Variants in WNT7B observed in about 807,000 individuals in gnomAD.
WNT7B encodes protein Wnt-7b.
Under a neutral mutation model 38.2 loss-of-function variants are expected in WNT7B, and 19 were observed. The ratio of observed to expected loss-of-function variants is 0.50; its 90% CI spans 0.35 to 0.73. WNT7B has a LOEUF of 0.73. Ranked by LOEUF, WNT7B falls within the 30% of genes least tolerant of loss-of-function variation. WNT7B has a pLI of 0.01. For synonymous variants in WNT7B, 243 were observed against 209.3 expected (o/e 1.16, Z -1.39); for missense variants, 423 against 507.9 (o/e 0.83, Z 1.61).
chr22:45,974,765 G>A (rs147005838), intron 1 of WNT7B, among the ~76,000 whole-genome samples: 300 of 152,184 alleles, frequency 2.0e-3, no homozygotes, highest in Non-Finnish European at 3.6e-3. Context: ...TGGGCTACAC[G>A]GAGGCCCGGT....
chr22:45,970,503 C>T (rs927430445), intron 1 of WNT7B, among the ~76,000 whole-genome samples: 42 of 152,208 alleles, frequency 2.8e-4, no homozygotes, highest in African/African-American at 9.6e-4. Context: ...GGGGCCCCTG[C>T]GCACCTCCCT....
At position 45,944,398 on chromosome 22, in the gene WNT7B, C is replaced by A. The variant is rs529263238; in HGVS notation, c.298+5522G>T. Among the ~76,000 whole-genome samples, 8 of 152,334 alleles carry A rather than the reference C, an allele frequency of 5.3e-5. No individual in the cohort carries two copies. The South Asian group carries it at 1.7e-3, about 32-fold the overall frequency. On this transcript the variant is annotated intron_variant, in intron 2 of 3. Transcript: ENST00000339464. ...CTCCGTCCTCCCAGGAGCCTGTGAG[C>A]TGCCTTCCCGGGGAGGGGCAGCCCC... is the stretch of plus-strand genomic sequence containing the variant.
chr22:45,929,360 C>G (rs1278121117), intron 3 of WNT7B, among the ~76,000 whole-genome samples: 7 of 151,480 alleles, frequency 4.6e-5, no homozygotes, highest in Non-Finnish European at 7.4e-5. Context: ...CTTTATCCAT[C>G]CATCTATTCA....
In WNT7B at chr22:45,922,846, G is replaced by C; in HGVS notation, c.*10C>G. On this transcript the variant is annotated 3_prime_UTR_variant, in exon 4 of 4. Coordinates refer to ENST00000339464, the MANE Select transcript of WNT7B (RefSeq NM_058238.3). ...TTCCAGGGTGCCCGCGGCCGCCTCC[G>C]GGCCTGGCCTCACTTGCAGGTGAAG... 1.9e-6 allele frequency: 3 copies of C among 1,586,530 alleles called. No individual in the cohort carries two copies. Among genetic ancestry groups the C allele is most frequent in the African/African-American group, 1.3e-5 (1 of 74,544 alleles).
At position 45,951,991 on chromosome 22, in the gene WNT7B, T is replaced by C. The variant is rs950676394; in HGVS notation, c.72-1845A>G. 6.6e-6 allele frequency among the ~76,000 whole-genome samples: 1 copy of C among 152,098 alleles called. No individual in the cohort carries two copies. The highest frequency in any genetic ancestry group is 1.5e-5 in the Non-Finnish European group (1 of 68,006). Reference sequence around the variant, plus strand: ...CCAGTCATCTGGCTTTAAGCACCCATGGAAGGGGCAGTGAGCTGGAAGGAG... The same window carrying C: ...CCAGTCATCTGGCTTTAAGCACCCACGGAAGGGGCAGTGAGCTGGAAGGAG... On this transcript the variant is annotated intron_variant, in intron 1 of 3. Transcript: ENST00000339464. The surrounding 1 kb of genome is among the most constrained non-coding windows in gnomAD (Gnocchi z 4.8).
intron 3 of WNT7B, among the ~76,000 whole-genome samples, chr22:45,923,825 G>A (rs1317076191): frequency 6.6e-6 from 1 of 152,184 alleles, no homozygotes; most frequent in African/African-American, 2.4e-5. Context: ...TGCAGTTGGT[G>A]TTTAATGGAA....
intron 2 of WNT7B, among the ~76,000 whole-genome samples, chr22:45,931,976 C>G (rs1247243314): frequency 6.6e-6 from 1 of 152,300 alleles, no homozygotes; most frequent in East Asian, 1.9e-4. Flanking sequence ...TTGGTCCACC[C>G]GCCTTCAGTC....
chr22:45,925,506 T>C (rs1931055317), intron 3 of WNT7B: 2 of 985,244 alleles, frequency 2.0e-6, no homozygotes, highest in Middle Eastern at 5.2e-4. Flanking sequence ...GCCAAGGTCA[T>C]GGGCCAGAGC....
At position 45,975,012 on chromosome 22, in the gene WNT7B, C is replaced by CGG. The variant is rs1932522869; in HGVS notation, c.71+1671_71+1672insCC. Among the ~76,000 whole-genome samples, 2 of 152,258 alleles carry CGG rather than the reference C, an allele frequency of 1.3e-5. No homozygotes were observed. The highest frequency in any genetic ancestry group is 1.3e-4 in the Admixed American group (2 of 15,300). The stretch of plus-strand genomic sequence containing the variant: ...CACTCGTGGGAGGAAGGGCTGCTTT[C>CGG]CGATGACTGAGGCAGAAGAATGGAC... On this transcript the variant is annotated intron_variant, in intron 1 of 3. Transcript: ENST00000339464. This position sits in a 1 kb window ranked among gnomAD's most constrained non-coding sequence, Gnocchi z 6.6.
At position 45,975,899 on chromosome 22, in the gene WNT7B, G is replaced by A. The variant is rs1271387869; in HGVS notation, c.71+785C>T. The stretch of plus-strand genomic sequence containing the variant: ...AAGCCGAGACAGATTCTGTCTAAAG[G>A]AGATCGCGGCTCAACAGGTAAGGAC... On this transcript the variant is annotated intron_variant, in intron 1 of 3. Transcript: ENST00000339464. This position sits in a 1 kb window ranked among gnomAD's most constrained non-coding sequence, Gnocchi z 6.6. The A allele has an allele frequency of 4.1e-5, 8 of 197,394 alleles. No homozygotes were observed. In the East Asian group the frequency reaches 8.3e-4, roughly 20 times the overall value. The allele number at this position is 197,394 out of a possible 1,614,324, so 12.2% of individuals were successfully genotyped here. A position where few individuals can be genotyped will look rare whatever the true frequency, so the allele number is the denominator to read the frequency against.
chr22:45,956,656 G>A (rs550436242), intron 1 of WNT7B, among the ~76,000 whole-genome samples: 8 of 152,308 alleles, frequency 5.3e-5, no homozygotes, highest in South Asian at 2.1e-4. Flanking sequence ...CAATCCAGGC[G>A]TCTGTCAACA....
intron 2 of WNT7B, among the ~76,000 whole-genome samples, chr22:45,934,802 A>G (rs1931470816): frequency 6.6e-6 from 1 of 152,184 alleles, no homozygotes; most frequent in Admixed American, 6.5e-5. Flanking sequence ...TTTGCTTTTA[A>G]TGAGCCAAAC....
chr22:45,922,655 T>G lies in WNT7B; in HGVS notation c.*201A>C, dbSNP rs985352483. The G allele has an allele frequency of 1.0e-5, 8 of 803,606 alleles. No homozygotes were observed. In the African/African-American group the frequency reaches 1.0e-4, roughly 10 times the overall value. 49.8% of individuals were successfully genotyped at this position (803,606 alleles called of 1,614,324 possible). A position where few individuals can be genotyped will look rare whatever the true frequency, so the allele number is the denominator to read the frequency against. On this transcript the variant is annotated 3_prime_UTR_variant, in exon 4 of 4. Coordinates refer to ENST00000339464, the MANE Select transcript of WNT7B (RefSeq NM_058238.3). ...GGTGCTGTTCTGCCGCAGGAGGTGA[T>G]GGGAGGAGGTGGCAGGAAGGAGCCC...
chr22:45,955,960 A>G (rs534491305), intron 1 of WNT7B, among the ~76,000 whole-genome samples: 1 of 152,198 alleles, frequency 6.6e-6, no homozygotes, highest in East Asian at 1.9e-4. Flanking sequence ...TAGCGGGACG[A>G]CCTTGGTCTT....
At chr22:45,940,072 A>G (rs1931608447) in intron 2 of WNT7B, among the ~76,000 whole-genome samples, 1 of 152,172 alleles carries the variant, frequency 6.6e-6, no homozygotes, top group Non-Finnish European at 1.5e-5. Flanking sequence ...TGGATATACT[A>G]AAGACCGTGG....
intron 2 of WNT7B, among the ~76,000 whole-genome samples, chr22:45,949,547 C>A (rs542607921): frequency 6.6e-6 from 1 of 151,872 alleles, no homozygotes; most frequent in Non-Finnish European, 1.5e-5. Flanking sequence ...GAAGAGGTAA[C>A]GTGCCTCCCT....
At chr22:45,972,040 C>A in intron 1 of WNT7B, 1 of 454,908 alleles carries the variant, frequency 2.2e-6, no homozygotes, top group South Asian at 3.8e-5. Flanking sequence ...GCGCGACGGT[C>A]ACCCGGTGCC....
chr22:45,952,278 G>A (rs1931951676), intron 1 of WNT7B, among the ~76,000 whole-genome samples: 1 of 152,206 alleles, frequency 6.6e-6, no homozygotes, highest in Admixed American at 6.5e-5. Context: ...CCCACAGCCA[G>A]CTGGAAAGTC....
chr22:45,950,162 G>T lies in WNT7B; in HGVS notation c.72-16C>A. On this transcript the variant is annotated splice_polypyrimidine_tract_variant and intron_variant, in intron 1 of 3. Coordinates refer to ENST00000339464, the MANE Select transcript of WNT7B (RefSeq NM_058238.3). Reference sequence around the variant, plus strand: ...TGACAGTGCTCTGTGGAGGGGAGGAGACAGAGGCCGTGAGACGGCGGCGGC... The same window carrying T: ...TGACAGTGCTCTGTGGAGGGGAGGATACAGAGGCCGTGAGACGGCGGCGGC... 6.2e-7 allele frequency: 1 copy of T among 1,605,950 alleles called. No individual in the cohort carries two copies. Among genetic ancestry groups the T allele is most frequent in the South Asian group, 1.1e-5 (1 of 90,788 alleles).
Sources: allele counts gnomAD v4.1 joint callset (sites outside exome capture counted in the v4.1 genomes callset), GRCh38; gene constraint gnomAD v4.1.1; non-coding constraint Gnocchi (gnomAD v3.1); transcripts MANE v1.5; gene names NCBI Gene and HGNC (gene_info 2026-07-23, HGNC 2026-07-21).